The following ETAA1 variants were observed in gnomAD, a reference collection of about 807,000 sequenced individuals.
The protein encoded by ETAA1 is ETAA1 activator of ATR kinase, also known as ewing's tumor-associated antigen 1.
ETAA1 carries 49 observed loss-of-function variants against 76.8 expected under a neutral mutation model. The ratio of observed to expected loss-of-function variants is 0.64; its 90% confidence interval spans 0.51 to 0.81. The LOEUF is 0.81. Among genes scored for constraint, ETAA1 ranks in the 30% least tolerant of loss-of-function variants. ETAA1 has a pLI of 0.00. For missense variants in ETAA1, 1,099 were observed against 1,074.0 expected (o/e 1.02, Z -0.32); for synonymous variants, 373 against 372.2 (o/e 1.00, Z -0.03).
Position 67,399,577 on chromosome 2 carries a change from C to A in ETAA1, c.380C>A (p.Thr127Asn). ...AAAGGAAGAAAAAAACAGATTTACACCACAGATAGTGATGAGATTTCACAT... is the reference window on the plus strand; with the variant it reads ...AAAGGAAGAAAAAAACAGATTTACAACACAGATAGTGATGAGATTTCACAT... The part of the protein sequence containing the change: ...LGKGRKKQIY[T>N]TDSDEISHIV... Residue 127 changes from threonine (T) to asparagine (N), a missense_variant, in exon 3 of 6, where the codon ACC (threonine) becomes AAC (asparagine). By Grantham distance (65) the Thr-to-Asn change is moderately conservative. Around this residue, in one of 3 missense-constraint regions of ETAA1, gnomAD observed 761 missense variants for 731.9 expected, o/e 1.04. Transcript: ENST00000272342. 1 of 1,607,766 alleles carries A rather than the reference C, an allele frequency of 6.2e-7. No homozygotes were observed. Among genetic ancestry groups the A allele is most frequent in the Non-Finnish European group, 8.5e-7 (1 of 1,175,974 alleles).
intron 1 of ETAA1, among the ~76,000 whole-genome samples, chr2:67,398,337 C>G (rs1395418474): frequency 9.6e-6 from 1 of 103,704 alleles, no homozygotes; most frequent in Non-Finnish European, 2.0e-5. Flanking sequence ...TTATACCTTA[C>G]GTGTCTTTTT....
In ETAA1 at chr2:67,409,962, G is replaced by C; in HGVS notation, c.2705G>C (p.Arg902Thr). Residue 902 changes from arginine to threonine, a missense_variant, in exon 6 of 6, where the codon AGA becomes ACA. Physicochemically the swap from Arg to Thr is moderately conservative, Grantham distance 71. This residue lies in a region of ETAA1 where 302 missense variants were observed against 278.1 expected (regional missense o/e 1.09). Coordinates refer to ENST00000272342, the MANE Select transcript of ETAA1 (RefSeq NM_019002.4). Reference protein sequence around the residue: ...KCSPEEIQRKRQEALVRRMAK... With the variant: ...KCSPEEIQRKTQEALVRRMAK... ...TCTCCTGAAGAAATTCAGAGAAAAAGACAAGAAGCACTGGTTCGGAGAATG... is the reference window on the plus strand; with the variant it reads ...TCTCCTGAAGAAATTCAGAGAAAAACACAAGAAGCACTGGTTCGGAGAATG... The C allele has an allele frequency of 6.2e-7, 1 of 1,608,534 alleles. No individual in the cohort carries two copies. The highest frequency in any genetic ancestry group is 8.5e-7 in the Non-Finnish European group (1 of 1,177,932).
chr2:67,402,774 A>T, intron 3 of ETAA1, 88 bp from the exon 4 acceptor site: 1 of 813,276 alleles, frequency 1.2e-6, no homozygotes, highest in Non-Finnish European at 1.8e-6. Flanking sequence ...ATTAGTTTTT[A>T]TTGTCTTTTT....
In ETAA1 at chr2:67,397,550, G is replaced by C. The variant is rs1326025000; in HGVS notation, c.102G>C (p.Arg34Ser). ...GCGGCTCGGTGGTCGAGCCAGGGAG[G>C]AGGCGGCTGAGATCGGCCCGCGGTT... ...EECGSVVEPG[R>S]RRLRSARGSW... The change falls in exon 1 of 6, where the codon AGG (arginine) becomes AGC (serine). Residue 34 changes from arginine (R) to serine (S), a missense_variant. Around this residue, in one of 3 missense-constraint regions of ETAA1, gnomAD observed 761 missense variants for 731.9 expected, o/e 1.04. Transcript: ENST00000272342. 1.9e-6 allele frequency: 3 copies of C among 1,576,738 alleles called. No individual in the cohort carries two copies. Among genetic ancestry groups the C allele is most frequent in the Admixed American group, 1.8e-5 (1 of 54,894 alleles).
Position 67,400,120 on chromosome 2 carries a change from T to A in ETAA1, c.429+494T>A, listed in dbSNP as rs1382497814. On this transcript the variant is annotated intron_variant, in intron 3 of 5. Transcript: ENST00000272342. ...AATTTAGTCCTCATTCAACCTCCTA[T>A]GCTGTGTGACCCAGTGCAAGTTATT... Among the ~76,000 whole-genome samples, 14 of 152,166 alleles carry A rather than the reference T, an allele frequency of 9.2e-5. 1 individual carries two copies. The highest frequency in any genetic ancestry group is 1.5e-5 in the Non-Finnish European group (1 of 68,018).
Position 67,409,962 on chromosome 2 carries a change from G to T in ETAA1, c.2705G>T (p.Arg902Ile), listed in dbSNP as rs1297168451. 6.2e-7 allele frequency: 1 copy of T among 1,608,416 alleles called. No individual in the cohort carries two copies. The highest frequency in any genetic ancestry group is 8.5e-7 in the Non-Finnish European group (1 of 1,177,940). Residue 902 changes from arginine to isoleucine, a missense_variant, in exon 6 of 6, where the codon AGA becomes ATA. Coordinates refer to ENST00000272342, the MANE Select transcript of ETAA1 (RefSeq NM_019002.4). ...TCTCCTGAAGAAATTCAGAGAAAAA[G>T]ACAAGAAGCACTGGTTCGGAGAATG... ...KCSPEEIQRKRQEALVRRMAK... is the reference protein window; with the variant it reads ...KCSPEEIQRKIQEALVRRMAK...
rs200105759 is a variant in ETAA1, at chr2:67,403,533, C to G, written c.851C>G (p.Ala284Gly). 1.1e-4 allele frequency: 177 copies of G among 1,613,442 alleles called. 1 individual carries two copies. The East Asian group carries it at 3.9e-3, about 36-fold the overall frequency. ...CAAATTGCTGAAGCAGCCTTTAATG[C>G]TATTTTTGATGGTTCTACTCAGAAA... ...FDQIAEAAFN[A>G]IFDGSTQKCS... The change falls in exon 5 of 6, where the codon GCT becomes GGT. Residue 284 changes from alanine (A) to glycine (G), a missense_variant. Around this residue, in one of 3 missense-constraint regions of ETAA1, gnomAD observed 761 missense variants for 731.9 expected, o/e 1.04. Coordinates refer to ENST00000272342, the MANE Select transcript of ETAA1 (RefSeq NM_019002.4).
intron 5 of ETAA1, 71 bp from the exon 6 acceptor site, chr2:67,409,840 A>C: frequency 6.8e-7 from 1 of 1,472,524 alleles, no homozygotes; most frequent in Non-Finnish European, 9.1e-7. Context: ...TAAAAAAAGC[A>C]AAAATTAAAG....
intron 5 of ETAA1, among the ~76,000 whole-genome samples, chr2:67,407,028 T>A (rs1431977389): frequency 2.0e-5 from 3 of 152,142 alleles, no homozygotes; most frequent in African/African-American, 7.2e-5. Flanking sequence ...TTGTATCTGT[T>A]AATTCCTAAA....
chr2:67,397,563 T>G lies in ETAA1; in HGVS notation c.115T>G (p.Ser39Ala), dbSNP rs201688163. The G allele has an allele frequency of 1.3e-6, 2 of 1,568,978 alleles. No homozygotes were observed. Among genetic ancestry groups the G allele is most frequent in the African/African-American group, 1.4e-5 (1 of 73,804 alleles). ...VVEPGRRRLRSARGSWPCGAR... is the reference protein window; with the variant it reads ...VVEPGRRRLRAARGSWPCGAR... ...CGAGCCAGGGAGGAGGCGGCTGAGA[T>G]CGGCCCGCGGTTCGTGGCCCTGCGG... Residue 39 changes from serine to alanine, a missense_variant, in exon 1 of 6, where the codon TCG (serine) becomes GCG (alanine). Ser to Ala is a moderately conservative substitution (Grantham distance 99). Around this residue, in one of 3 missense-constraint regions of ETAA1, gnomAD observed 761 missense variants for 731.9 expected, o/e 1.04. Coordinates refer to ENST00000272342, the MANE Select transcript of ETAA1 (RefSeq NM_019002.4).
rs367559075 is a variant in ETAA1, at chr2:67,399,586, G to C, written c.389G>C (p.Ser130Thr). 2 of 1,608,678 alleles carry C rather than the reference G, an allele frequency of 1.2e-6. No homozygotes were observed. Among genetic ancestry groups the C allele is most frequent in the Non-Finnish European group, 1.7e-6 (2 of 1,176,426 alleles). Residue 130 changes from serine (S) to threonine (T), a missense_variant, in exon 3 of 6, where the codon AGT becomes ACT. Ser to Thr is a moderately conservative substitution (Grantham distance 58). This residue lies in a region of ETAA1 where 761 missense variants were observed against 731.9 expected (regional missense o/e 1.04). Coordinates refer to ENST00000272342, the MANE Select transcript of ETAA1 (RefSeq NM_019002.4). ...AAAAAACAGATTTACACCACAGATA[G>C]TGATGAGATTTCACATATTGTTAAT... The part of the protein sequence containing the change: ...GRKKQIYTTD[S>T]DEISHIVNRI...
chr2:67,403,232 A>G lies in ETAA1; in HGVS notation c.550A>G (p.Thr184Ala), dbSNP rs1209025072. ...TTTAATCTTGTTTAATAGGTTAAAA[A>G]CACAAAGTCAAGAAGAAGAACTTAT... ...RAKISCTKLK[T>A]QSQEEELMKL... The change falls in exon 5 of 6, where the codon ACA (threonine) becomes GCA (alanine). Residue 184 changes from threonine to alanine, a missense_variant. Around this residue, in one of 3 missense-constraint regions of ETAA1, gnomAD observed 761 missense variants for 731.9 expected, o/e 1.04. Coordinates refer to ENST00000272342, the MANE Select transcript of ETAA1 (RefSeq NM_019002.4). 1.9e-6 allele frequency: 3 copies of G among 1,550,002 alleles called. No individual in the cohort carries two copies. In the Admixed American group the frequency reaches 6.3e-5, roughly 33 times the overall value.
chr2:67,408,010 T>C (rs1264426769), intron 5 of ETAA1, among the ~76,000 whole-genome samples: 1 of 152,222 alleles, frequency 6.6e-6, no homozygotes, highest in African/African-American at 2.4e-5. Context: ...AAAACTCCTA[T>C]CTACCAATCT....
chr2:67,402,221 C>G (rs1319391430), intron 3 of ETAA1: 1 of 151,744 alleles, frequency 6.6e-6, no homozygotes, highest in Non-Finnish European at 1.5e-5. Flanking sequence ...TGCCTTTTTT[C>G]TGTATATTAT....
chr2:67,399,852 T>A (rs551178314), intron 3 of ETAA1, among the ~76,000 whole-genome samples: 1 of 152,294 alleles, frequency 6.6e-6, no homozygotes, highest in East Asian at 1.9e-4. Flanking sequence ...CTTGTTTTAA[T>A]TTTTTAGAGT....
chr2:67,410,225 A>C lies in ETAA1; in HGVS notation c.*187A>C. Reference sequence around the variant, plus strand: ...ACATTTCCTTGGACATGTATTTGAAAGTCATTAAATACAAAAGTTTTGGAA... The same window carrying C: ...ACATTTCCTTGGACATGTATTTGAACGTCATTAAATACAAAAGTTTTGGAA... On this transcript the variant is annotated 3_prime_UTR_variant, in exon 6 of 6. Transcript: ENST00000272342. 1 of 577,668 alleles carries C rather than the reference A, an allele frequency of 1.7e-6. No individual in the cohort carries two copies. Among genetic ancestry groups the C allele is most frequent in the Non-Finnish European group, 2.9e-6 (1 of 342,404 alleles). The allele number at this position is 577,668 out of a possible 1,614,324, so 35.8% of individuals were successfully genotyped here. A position where few individuals can be genotyped will look rare whatever the true frequency, so the allele number is the denominator to read the frequency against.
chr2:67,408,319 A>G (rs999978818), intron 5 of ETAA1, among the ~76,000 whole-genome samples: 33 of 152,148 alleles, frequency 2.2e-4, no homozygotes, highest in Admixed American at 1.8e-3. Context: ...TACATTTTAA[A>G]TGGTTGGAAA....
At chr2:67,403,017 A>C in intron 4 of ETAA1, 43 bp downstream of exon 4, 3 of 1,513,092 alleles carry the variant, frequency 2.0e-6, no homozygotes, top group Non-Finnish European at 2.7e-6. Flanking sequence ...CAGTGAAGCA[A>C]ATATTTTTTG....
At position 67,399,097 on chromosome 2, in the gene ETAA1, A is replaced by T. The variant is rs1474671629; in HGVS notation, c.224-72A>T. 5.8e-6 allele frequency: 8 copies of T among 1,381,288 alleles called. No homozygotes were observed. In the East Asian group the frequency reaches 1.7e-4, roughly 29 times the overall value. 85.6% of individuals were successfully genotyped at this position (1,381,288 alleles called of 1,614,324 possible). ...TATAAAAGTTAGTCTCAGCTATTTG[A>T]CCTTGGGGTCTTACGAAGTAAGGTA... On this transcript the variant is annotated intron_variant, in intron 1 of 5. Coordinates refer to ENST00000272342, the MANE Select transcript of ETAA1 (RefSeq NM_019002.4).
Sources: gnomAD v4.1 joint callset for allele counts (sites outside exome capture counted in the v4.1 genomes callset) on GRCh38, gnomAD v4.1.1 for gene constraint, gnomAD v4.1.1 regional missense constraint, MANE v1.5 for transcripts, NCBI Gene and HGNC (gene_info 2026-07-23, HGNC 2026-07-21) for gene names.